The following TECTA variants were observed in gnomAD, a reference collection of about 807,000 sequenced individuals.
TECTA encodes the protein tectorin alpha.
Under a neutral mutation model 216.8 loss-of-function variants are expected in TECTA, and 128 were observed. The observed-to-expected ratio is 0.59, with a 90% CI of 0.51 to 0.68. The LOEUF (loss-of-function observed/expected upper bound fraction) is 0.68. Among genes scored for constraint, TECTA ranks in the 30% least tolerant of loss-of-function variants. The pLI is 0.00. For missense variants in TECTA, 2,551 were observed against 2,786.2 expected (o/e 0.92, Z 1.90); for synonymous variants, 1,089 against 1,117.1 (o/e 0.97, Z 0.50).
rs1262777212 is a variant in TECTA, at chr11:121,190,924, T to G, written c.*118T>G. On this transcript the variant is annotated 3_prime_UTR_variant, in exon 24 of 24. Transcript: ENST00000392793. ...GAAAGTGTCCAGCATCTCAAAATGA[T>G]GCCACCTGCCTCCAATGGTCCAAGG... 6 of 772,274 alleles carry G rather than the reference T, an allele frequency of 7.8e-6. No homozygotes were observed. Among genetic ancestry groups the G allele is most frequent in the Non-Finnish European group, 1.1e-5 (5 of 462,356 alleles). 47.8% of individuals were successfully genotyped at this position (772,274 alleles called of 1,614,324 possible).
At position 121,189,884 on chromosome 11, in the gene TECTA, G is replaced by A. The variant is rs377596999; in HGVS notation, c.6367+4G>A. 6.2e-7 allele frequency: 1 copy of A among 1,610,912 alleles called. No individual in the cohort carries two copies. The highest frequency in any genetic ancestry group is 8.5e-7 in the Non-Finnish European group (1 of 1,178,434). The stretch of plus-strand genomic sequence containing the variant: ...GAGGACGGCAAGAGCTGCAGAGGTA[G>A]ACACTCTTCTACCCTGGGGCAGGCA... On this transcript the variant is annotated splice_donor_region_variant and intron_variant, in intron 23 of 23. Transcript: ENST00000392793.
intron 2 of TECTA, among the ~76,000 whole-genome samples, chr11:121,103,756 G>T (rs940234247): frequency 3.7e-4 from 57 of 152,062 alleles, no homozygotes; most frequent in African/African-American, 1.3e-3. Context: ...GTTAATTACC[G>T]TAGTTTAAAC....
At chr11:121,112,668 A>G (rs1223681969) in intron 4 of TECTA, among the ~76,000 whole-genome samples, 1 of 152,164 alleles carries the variant, frequency 6.6e-6, no homozygotes, top group Non-Finnish European at 1.5e-5. Context: ...CCCTCTTCCA[A>G]CCCGCTCTGC....
At chr11:121,175,748 G>A (rs531544612) in intron 20 of TECTA, among the ~76,000 whole-genome samples, 2 of 152,294 alleles carry the variant, frequency 1.3e-5, no homozygotes, top group Admixed American at 1.3e-4. Flanking sequence ...AGGTATCCTT[G>A]TTAACTTTCT....
In TECTA at chr11:121,109,433, G is replaced by A; in HGVS notation, c.421G>A (p.Ala141Thr). The change falls in exon 4 of 24, where the codon GCC becomes ACC. Residue 141 changes from alanine (A) to threonine (T), a missense_variant. Around this residue, in one of 3 missense-constraint regions of TECTA, gnomAD observed 2,375 missense variants for 2,563.9 expected, o/e 0.93. Coordinates refer to ENST00000392793, the MANE Select transcript of TECTA (RefSeq NM_005422.4). The part of the protein sequence containing the change: ...KYFKDMATFS[A>T]TWVFIVTWEE... ...CTTCAAAGACATGGCAACCTTCTCT[G>A]CCACTTGGGTTTTCATTGTGACATG... The A allele has an allele frequency of 6.2e-7, 1 of 1,614,180 alleles. No individual in the cohort carries two copies. Among genetic ancestry groups the A allele is most frequent in the Non-Finnish European group, 8.5e-7 (1 of 1,180,022 alleles).
At position 121,145,868 on chromosome 11, in the gene TECTA, C is replaced by A; in HGVS notation, c.3857C>A (p.Pro1286Gln). 1 of 1,614,238 alleles carries A rather than the reference C, an allele frequency of 6.2e-7. No individual in the cohort carries two copies. ...CAGGTGGGCTGTGGGGACCGCTGTC[C>A]GTCCTGTGCCAAGGTGGAAGGTTTC... ...FCQVGCGDRC[P>Q]SCAKVEGFSK... Residue 1286 changes from proline (P) to glutamine (Q), a missense_variant, in exon 12 of 24, where the codon CCG (proline) becomes CAG (glutamine). Coordinates refer to ENST00000392793, the MANE Select transcript of TECTA (RefSeq NM_005422.4).
In TECTA at chr11:121,190,857, C is replaced by G; in HGVS notation, c.*51C>G. On this transcript the variant is annotated 3_prime_UTR_variant, in exon 24 of 24. Transcript: ENST00000392793. ...ACTGTAATTTACTTACTTCAACACC[C>G]TGTAGGATAAAAAGTGTGTGCCCTT... 1.5e-6 allele frequency: 2 copies of G among 1,376,444 alleles called. No individual in the cohort carries two copies. The highest frequency in any genetic ancestry group is 2.0e-6 in the Non-Finnish European group (2 of 978,384). 85.3% of individuals were successfully genotyped at this position (1,376,444 alleles called of 1,614,324 possible).
chr11:121,152,862 C>A lies in TECTA; in HGVS notation c.4106-19C>A, dbSNP rs1946903865. 21 of 1,589,238 alleles carry A rather than the reference C, an allele frequency of 1.3e-5. No homozygotes were observed. The highest frequency in any genetic ancestry group is 1.8e-5 in the Non-Finnish European group (21 of 1,161,646). ...TGCCTTGTGATCGTGCGAGTCTTGA[C>A]TTGTCTCTCTTGTTCCAGCTGTCAC... On this transcript the variant is annotated intron_variant, in intron 12 of 23. Coordinates refer to ENST00000392793, the MANE Select transcript of TECTA (RefSeq NM_005422.4).
intron 1 of TECTA, 142 bp from the exon 2 acceptor site, chr11:121,102,523 G>A (rs983650626): frequency 7.2e-5 from 50 of 696,222 alleles, no homozygotes; most frequent in African/African-American, 7.0e-4. Flanking sequence ...ATTTCAGCCC[G>A]ACTCAGCACT....
chr11:121,174,662 T>C (rs9736671), intron 20 of TECTA, among the ~76,000 whole-genome samples: 40,560 of 151,796 alleles, frequency 0.27, 6,792 homozygotes, highest in African/African-American at 0.47. Flanking sequence ...CTTTTTTGGT[T>C]GTGTCTCTGC....
chr11:121,147,507 G>A (rs758755778), intron 12 of TECTA, among the ~76,000 whole-genome samples: 2 of 151,946 alleles, frequency 1.3e-5, no homozygotes, highest in Non-Finnish European at 2.9e-5. Flanking sequence ...TAGGGATGAC[G>A]GTCCTGACAA....
chr11:121,146,866 A>G lies in TECTA; in HGVS notation c.4105+750A>G, dbSNP rs144376248. On this transcript the variant is annotated intron_variant, in intron 12 of 23. Coordinates refer to ENST00000392793, the MANE Select transcript of TECTA (RefSeq NM_005422.4). Reference sequence around the variant, plus strand: ...CCCATGCTAAACGTTTTATCAATATACCTCATTTATTCTTCTCAATGACCC... The same window carrying G: ...CCCATGCTAAACGTTTTATCAATATGCCTCATTTATTCTTCTCAATGACCC... 4.9e-3 allele frequency among the ~76,000 whole-genome samples: 742 copies of G among 152,308 alleles called. 7 individuals are homozygous for G. The highest frequency in any genetic ancestry group is 0.031 in the Middle Eastern group (9 of 294).
chr11:121,154,090 A>G (rs1946919050), intron 13 of TECTA, among the ~76,000 whole-genome samples: 1 of 152,260 alleles, frequency 6.6e-6, no homozygotes, highest in Non-Finnish European at 1.5e-5. Flanking sequence ...ATAACCTATC[A>G]GCAAGTGAAA....
intron 3 of TECTA, 118 bp downstream of exon 3, chr11:121,106,082 A>G (rs1946387602): frequency 6.7e-7 from 1 of 1,501,816 alleles, no homozygotes; most frequent in Non-Finnish European, 9.2e-7. Flanking sequence ...ATTGGCAGCC[A>G]AAACGACAAG....
chr11:121,168,924 G>A lies in TECTA; in HGVS notation c.5998G>A (p.Gly2000Arg). ...DKLRYFIIEGGCQNLKDNTIG... is the reference protein window; with the variant it reads ...DKLRYFIIEGRCQNLKDNTIG... The stretch of plus-strand genomic sequence containing the variant: ...GCTCCGATATTTCATCATTGAAGGA[G>A]GGTGAGTAGCCTCTTTATAGACAAC... The change falls in exon 20 of 24, where the codon GGG becomes AGG. Residue 2000 changes from glycine (G) to arginine (R), a missense_variant and splice_region_variant. By Grantham distance (125) the Gly-to-Arg change is moderately radical. Transcript: ENST00000392793. 1 of 1,614,066 alleles carries A rather than the reference G, an allele frequency of 6.2e-7. No individual in the cohort carries two copies. Among genetic ancestry groups the A allele is most frequent in the Non-Finnish European group, 8.5e-7 (1 of 1,179,980 alleles).
intron 20 of TECTA, among the ~76,000 whole-genome samples, chr11:121,179,632 T>G (rs114113329): frequency 0.022 from 3,316 of 152,252 alleles, 123 homozygotes; most frequent in African/African-American, 0.076. Flanking sequence ...ATTCCCCAAT[T>G]TTCTTTACTT....
At chr11:121,140,779 G>A (rs559301) in intron 11 of TECTA, 72,761 of 151,954 alleles carry the variant, frequency 0.48, 19,343 homozygotes, top group African/African-American at 0.72. Flanking sequence ...TGTGTCTTCT[G>A]TTTTCTCTGT....
chr11:121,117,918 G>T (rs1160504227), intron 6 of TECTA, among the ~76,000 whole-genome samples: 2 of 152,168 alleles, frequency 1.3e-5, no homozygotes, highest in Non-Finnish European at 2.9e-5. Context: ...GAGTAACCTG[G>T]GTAAACTGGG....
chr11:121,124,246 G>C (rs146312862), intron 7 of TECTA, among the ~76,000 whole-genome samples: 63 of 152,294 alleles, frequency 4.1e-4, no homozygotes, highest in African/African-American at 1.4e-3. Flanking sequence ...TCTTAGAACA[G>C]TGCCAAGTAC....
Sources: allele counts gnomAD v4.1 joint callset (sites outside exome capture counted in the v4.1 genomes callset), GRCh38; gene constraint gnomAD v4.1.1; regional missense constraint gnomAD v4.1.1; transcripts MANE v1.5; gene names NCBI Gene and HGNC (gene_info 2026-07-23, HGNC 2026-07-21).